Variants in SMYD3 observed in about 807,000 individuals in gnomAD.
The protein encoded by SMYD3 is histone-lysine N-methyltransferase SMYD3.
SMYD3 carries 36 observed loss-of-function variants against 57.7 expected under a neutral mutation model. The ratio of observed to expected loss-of-function variants is 0.62; its 90% CI spans 0.48 to 0.82. The LOEUF (loss-of-function observed/expected upper bound fraction) is 0.82, where lower values mean the gene tolerates loss of function less well. Among genes scored for constraint, SMYD3 ranks in the 40% least tolerant of loss-of-function variants. The pLI is 0.00. For synonymous variants in SMYD3, 211 were observed against 195.0 expected, an observed-to-expected ratio of 1.08 and a Z score of -0.68; for missense variants, 515 against 538.8, an observed-to-expected ratio of 0.96 and a Z score of 0.44.
chr1:245,995,668 G>C (rs1177413577), intron 5 of SMYD3, among the ~76,000 whole-genome samples: 1 of 152,230 alleles, frequency 6.6e-6, no homozygotes, highest in Non-Finnish European at 1.5e-5. Flanking sequence ...TAGGGGGTGG[G>C]GGAGAGACTA....
chr1:246,413,489 T>C (rs2067009113), intron 1 of SMYD3, among the ~76,000 whole-genome samples: 1 of 152,138 alleles, frequency 6.6e-6, no homozygotes, highest in African/African-American at 2.4e-5. Context: ...ATGCATGATA[T>C]AGTTTGAATA....
intron 5 of SMYD3, among the ~76,000 whole-genome samples, chr1:246,169,395 A>AAAAAAC (rs2062284514): frequency 6.7e-6 from 1 of 148,908 alleles, no homozygotes; most frequent in African/African-American, 2.5e-5. Context: ...AAAAAAAAAA[A>AAAAAAC]AAAAAAAAAC....
At chr1:246,185,066 T>C (rs1232927896) in intron 5 of SMYD3, among the ~76,000 whole-genome samples, 1 of 152,214 alleles carries the variant, frequency 6.6e-6, no homozygotes, top group Non-Finnish European at 1.5e-5. Flanking sequence ...ATAATGGTTT[T>C]AAAAAGTCAC....
chr1:246,083,669 T>C (rs1398687643), intron 5 of SMYD3, among the ~76,000 whole-genome samples: 2 of 152,198 alleles, frequency 1.3e-5, no homozygotes, highest in Admixed American at 6.5e-5. Flanking sequence ...GAAGAGCCAG[T>C]TGGGTGACTA....
intron 5 of SMYD3, among the ~76,000 whole-genome samples, chr1:246,199,072 G>T (rs921665200): frequency 6.6e-6 from 1 of 152,116 alleles, no homozygotes; most frequent in Non-Finnish European, 1.5e-5. Context: ...CCATCACCCA[G>T]GGGGTGAGCC....
At chr1:246,322,978 T>C (rs1216196545) in intron 5 of SMYD3, among the ~76,000 whole-genome samples, 2 of 152,158 alleles carry the variant, frequency 1.3e-5, no homozygotes, top group Non-Finnish European at 1.5e-5. Context: ...CCGGAGGAGG[T>C]TGATATATTT....
At chr1:245,932,888 G>A (rs1235065678) in intron 5 of SMYD3, among the ~76,000 whole-genome samples, 1 of 152,266 alleles carries the variant, frequency 6.6e-6, no homozygotes, top group South Asian at 2.1e-4. Flanking sequence ...TGAGTGTTAC[G>A]TGTTAGTCTT....
intron 10 of SMYD3, among the ~76,000 whole-genome samples, chr1:245,796,782 T>C (rs1026908700): frequency 8.5e-5 from 13 of 152,180 alleles, no homozygotes; most frequent in African/African-American, 2.7e-4. Context: ...AGTTAGCTCT[T>C]TTAGGACAGC....
intron 5 of SMYD3, among the ~76,000 whole-genome samples, chr1:246,158,032 C>T (rs1380407321): frequency 1.3e-5 from 2 of 152,180 alleles, no homozygotes; most frequent in East Asian, 3.8e-4. Flanking sequence ...GAGAGGTAAA[C>T]AGACCTTTAA....
chr1:246,036,720 A>ATTTTTTTTTTTTTTT (rs546300378), intron 5 of SMYD3, among the ~76,000 whole-genome samples: 12 of 110,490 alleles, frequency 1.1e-4, no homozygotes, highest in East Asian at 3.9e-4. Context: ...AGCCCGGCTA[A>ATTTTTTTTTTTTTTT]TTTTTTTTTT....
chr1:245,907,284 C>T (rs1300826852), intron 8 of SMYD3, among the ~76,000 whole-genome samples: 1 of 152,152 alleles, frequency 6.6e-6, no homozygotes, highest in Non-Finnish European at 1.5e-5. Context: ...CCTTAACATG[C>T]TTCTTTCACA....
At chr1:246,102,151 A>AAG (rs1165246302) in intron 5 of SMYD3, among the ~76,000 whole-genome samples, 1 of 152,118 alleles carries the variant, frequency 6.6e-6, no homozygotes, top group African/African-American at 2.4e-5. Flanking sequence ...CAATGCTTCC[A>AAG]CTATGTACGT....
chr1:246,402,381 T>TTTTTTTTTTTTTTTTGAGACGG (rs1239559421), intron 1 of SMYD3, among the ~76,000 whole-genome samples: 1 of 151,502 alleles, frequency 6.6e-6, no homozygotes, highest in Non-Finnish European at 1.5e-5. Context: ...AACGCCATCT[T>TTTTTTTTTTTTTTTTGAGACGG]AAAGATGATC....
At position 245,828,807 on chromosome 1, in the gene SMYD3, T is replaced by C. The variant is rs527606053; in HGVS notation, c.1076+29689A>G. 5.3e-5 allele frequency among the ~76,000 whole-genome samples: 8 copies of C among 151,926 alleles called. 1 individual carries two copies. The South Asian group carries it at 8.3e-4, about 16-fold the overall frequency. ...AACCTCCGCTTCCCGGGTTCAAGCA[T>C]TTCTTGTGCCTCAGCCTCCCAAGTA... On this transcript the variant is annotated intron_variant, in intron 10 of 11. Transcript: ENST00000490107.
chr1:246,232,365 T>G (rs890291016), intron 5 of SMYD3, among the ~76,000 whole-genome samples: 2 of 152,180 alleles, frequency 1.3e-5, no homozygotes, highest in African/African-American at 4.8e-5. Context: ...CTGGATGCAG[T>G]GTGAATTTCA....
intron 10 of SMYD3, among the ~76,000 whole-genome samples, chr1:245,848,016 A>T (rs2050750998): frequency 6.6e-6 from 1 of 152,220 alleles, no homozygotes; most frequent in African/African-American, 2.4e-5. Context: ...CAGGTGACCT[A>T]GTCCCAGGAG....
chr1:246,147,940 G>C (rs1482331561), intron 5 of SMYD3, among the ~76,000 whole-genome samples: 1 of 152,108 alleles, frequency 6.6e-6, no homozygotes, highest in Non-Finnish European at 1.5e-5. Context: ...AGGCTCGGGG[G>C]TGTCTGCTCC....
chr1:245,817,198 C>G (rs1041010213), intron 10 of SMYD3, among the ~76,000 whole-genome samples: 1 of 147,694 alleles, frequency 6.8e-6, no homozygotes, highest in Non-Finnish European at 1.5e-5. Flanking sequence ...AGCTGGAGAT[C>G]TGAGAACGGG....
intron 8 of SMYD3, 63 bp downstream of exon 8, chr1:245,915,467 G>T (rs1240756814): frequency 5.7e-6 from 6 of 1,053,796 alleles, no homozygotes; most frequent in Non-Finnish European, 5.8e-6. Context: ...TCTAGGCAGA[G>T]TTCTCTGAAG....
Sources: gnomAD v4.1 joint callset for allele counts (sites outside exome capture counted in the v4.1 genomes callset) on GRCh38, gnomAD v4.1.1 for gene constraint, MANE v1.5 for transcripts, NCBI Gene and HGNC (gene_info 2026-07-23, HGNC 2026-07-21) for gene names.